Variants in C8A observed in about 807,000 individuals in gnomAD.
C8A encodes complement C8 alpha chain.
In C8A, 67 loss-of-function variants were observed where a neutral mutation model predicts 65.3. That is an observed-to-expected ratio of 1.03 (90% confidence interval 0.84 to 1.26). The LOEUF (loss-of-function observed/expected upper bound fraction) is 1.26. Among genes scored for constraint, C8A ranks in the 50% most tolerant of loss-of-function variants. The pLI is 0.00. For synonymous variants in C8A, 290 were observed against 259.4 expected, an observed-to-expected ratio of 1.12 and a Z score of -1.13; for missense variants, 781 against 723.9, an observed-to-expected ratio of 1.08 and a Z score of -0.90.
intron 10 of C8A, among the ~76,000 whole-genome samples, chr1:56,914,092 T>C (rs1456571009): frequency 6.6e-6 from 1 of 151,012 alleles, no homozygotes; most frequent in Non-Finnish European, 1.5e-5. Flanking sequence ...ATTAAGAAGA[T>C]CTGGAAAGAT....
Position 56,917,545 on chromosome 1 carries a change from C to T in C8A, c.1604-20C>T, listed in dbSNP as rs1644562315. On this transcript the variant is annotated intron_variant, in intron 10 of 10. Transcript: ENST00000361249. ...TAGCCATATGCTAACCTTCTCCTCC[C>T]TGGGAAATTTCCTCTGCAGGAGCCA... 1 of 1,613,940 alleles carries T rather than the reference C, an allele frequency of 6.2e-7. No individual in the cohort carries two copies. The highest frequency in any genetic ancestry group is 8.5e-7 in the Non-Finnish European group (1 of 1,179,988).
intron 10 of C8A, 141 bp downstream of exon 10, chr1:56,912,766 A>G: frequency 1.4e-6 from 1 of 734,796 alleles, no homozygotes. Context: ...GAGTTCTGTT[A>G]CTCACCCATC....
intron 10 of C8A, among the ~76,000 whole-genome samples, chr1:56,916,527 G>A (rs753941919): frequency 6.6e-6 from 1 of 152,186 alleles, no homozygotes; most frequent in Non-Finnish European, 1.5e-5. Flanking sequence ...TAATTACAGA[G>A]CTGGAAGGAA....
chr1:56,905,101 G>A (rs1003911938), intron 7 of C8A, among the ~76,000 whole-genome samples: 25 of 152,162 alleles, frequency 1.6e-4, no homozygotes, highest in Admixed American at 1.4e-3. Flanking sequence ...CCCCCAATTA[G>A]TAATGCATTA....
chr1:56,897,396 A>G (rs953890506), intron 7 of C8A, among the ~76,000 whole-genome samples: 1 of 152,208 alleles, frequency 6.6e-6, no homozygotes, highest in Non-Finnish European at 1.5e-5. Context: ...TGTCTAAGCC[A>G]GGGATGGCAA....
Position 56,854,821 on chromosome 1 carries a change from T to C in C8A, c.-81T>C, listed in dbSNP as rs1643957200. The C allele has an allele frequency of 2.5e-6, 3 of 1,189,548 alleles. No homozygotes were observed. Among genetic ancestry groups the C allele is most frequent in the Admixed American group, 3.9e-5 (2 of 51,828 alleles). The allele number at this position is 1,189,548 out of a possible 1,614,324, so 73.7% of individuals were successfully genotyped here. A position where few individuals can be genotyped will look rare whatever the true frequency, so the allele number is the denominator to read the frequency against. Reference sequence around the variant, plus strand: ...CAGATAGATCTTACAGGTCCCAGCCTGTAGACATCTTTTACTCCAATTTCC... The same window carrying C: ...CAGATAGATCTTACAGGTCCCAGCCCGTAGACATCTTTTACTCCAATTTCC... On this transcript the variant is annotated 5_prime_UTR_variant, in exon 1 of 11. Coordinates refer to ENST00000361249, the MANE Select transcript of C8A (RefSeq NM_000562.3).
chr1:56,899,894 G>A (rs1239162235), intron 7 of C8A, among the ~76,000 whole-genome samples: 1 of 152,166 alleles, frequency 6.6e-6, no homozygotes, highest in East Asian at 1.9e-4. Context: ...GGAAAACTGG[G>A]GCAAGAGAGG....
At chr1:56,857,878 G>A (rs1643993380) in intron 1 of C8A, among the ~76,000 whole-genome samples, 1 of 152,034 alleles carries the variant, frequency 6.6e-6, no homozygotes, top group African/African-American at 2.4e-5. Context: ...CAATTACAGA[G>A]ATGCTAGCCT....
chr1:56,888,299 G>T (rs1040275759), intron 7 of C8A, among the ~76,000 whole-genome samples: 1 of 152,102 alleles, frequency 6.6e-6, no homozygotes, highest in African/African-American at 2.4e-5. Context: ...TTAGATTCCT[G>T]GCTAGAGTCA....
chr1:56,865,313 C>T (rs1038183358), intron 1 of C8A, among the ~76,000 whole-genome samples: 4 of 152,182 alleles, frequency 2.6e-5, no homozygotes, highest in South Asian at 2.1e-4. Flanking sequence ...GTTCTGGAGA[C>T]TGGGAAGTCC....
intron 7 of C8A, among the ~76,000 whole-genome samples, chr1:56,892,515 A>C (rs1644355754): frequency 6.6e-6 from 1 of 151,984 alleles, no homozygotes; most frequent in Non-Finnish European, 1.5e-5. Context: ...CCTGGGAAAA[A>C]TTCTGTCTCT....
At chr1:56,898,831 C>T (rs1031274418) in intron 7 of C8A, among the ~76,000 whole-genome samples, 2 of 152,156 alleles carry the variant, frequency 1.3e-5, no homozygotes, top group Non-Finnish European at 2.9e-5. Context: ...GCCTCCAGAG[C>T]TTTCCTAACA....
At chr1:56,902,152 G>A (rs1439610976) in intron 7 of C8A, among the ~76,000 whole-genome samples, 4 of 152,108 alleles carry the variant, frequency 2.6e-5, no homozygotes, top group Admixed American at 2.0e-4. Context: ...TTGGTCTCCT[G>A]CAATGGTGAG....
At chr1:56,914,381 C>T (rs1051120573) in intron 10 of C8A, among the ~76,000 whole-genome samples, 7 of 152,158 alleles carry the variant, frequency 4.6e-5, no homozygotes, top group Middle Eastern at 3.2e-3. Flanking sequence ...CCTCAAGGTC[C>T]TTCCTACCCC....
At chr1:56,858,686 TA>T (rs1342262807) in intron 1 of C8A, among the ~76,000 whole-genome samples, 1 of 152,246 alleles carries the variant, frequency 6.6e-6, no homozygotes, top group Non-Finnish European at 1.5e-5. Flanking sequence ...AATTGATATG[TA>T]TTCAGGAAAC....
chr1:56,869,195 A>T (rs1644119726), intron 2 of C8A, among the ~76,000 whole-genome samples: 1 of 152,038 alleles, frequency 6.6e-6, no homozygotes, highest in Non-Finnish European at 1.5e-5. Flanking sequence ...CCGAGTCCCC[A>T]AAGTCCATTA....
intron 7 of C8A, among the ~76,000 whole-genome samples, chr1:56,901,765 G>A (rs1345157904): frequency 6.6e-6 from 1 of 151,960 alleles, no homozygotes; most frequent in Non-Finnish European, 1.5e-5. Flanking sequence ...GCTTTGTCTG[G>A]CTAATCCCTA....
At chr1:56,889,513 T>C (rs1476260869) in intron 7 of C8A, among the ~76,000 whole-genome samples, 6 of 152,148 alleles carry the variant, frequency 3.9e-5, no homozygotes, top group Non-Finnish European at 5.9e-5. Flanking sequence ...TCTTTCTAGG[T>C]ACCTTTCTCT....
chr1:56,858,940 A>T (rs1644003575), intron 1 of C8A, among the ~76,000 whole-genome samples: 1 of 152,218 alleles, frequency 6.6e-6, no homozygotes, highest in South Asian at 2.1e-4. Flanking sequence ...TATGAAATGG[A>T]GATAATACAT....
Sources: allele counts gnomAD v4.1 joint callset (sites outside exome capture counted in the v4.1 genomes callset), GRCh38; gene constraint gnomAD v4.1.1; transcripts MANE v1.5; gene names NCBI Gene and HGNC (gene_info 2026-07-23, HGNC 2026-07-21).